CEP128: variants seen among roughly 807,000 people sequenced by gnomAD.
CEP128 encodes the protein centrosomal protein 128kDa.
A neutral mutation model predicts 156.7 loss-of-function variants in CEP128; 132 were observed. The ratio of observed to expected loss-of-function variants is 0.84; its 90% CI spans 0.73 to 0.97. The LOEUF (loss-of-function observed/expected upper bound fraction) is 0.97. CEP128 is among the 50% of genes least tolerant of loss of function. The probability of loss-of-function intolerance (pLI) is 0.00; values close to 1 mark genes in which losing one functional copy is unlikely to be tolerated. For synonymous variants in CEP128, 469 were observed against 448.9 expected (o/e 1.04, Z -0.57); for missense variants, 1,252 against 1,281.9 (o/e 0.98, Z 0.36).
chr14:80,716,028 A>T (rs1391487977), intron 19 of CEP128, among the ~76,000 whole-genome samples: 1 of 152,186 alleles, frequency 6.6e-6, no homozygotes, highest in African/African-American at 2.4e-5. Flanking sequence ...AAGAGTGGAG[A>T]CAGAGAGACC....
At chr14:80,850,289 G>C (rs531970688) in intron 9 of CEP128, among the ~76,000 whole-genome samples, 1 of 152,166 alleles carries the variant, frequency 6.6e-6, no homozygotes, top group African/African-American at 2.4e-5. Context: ...CTAGTGCCAA[G>C]TACACTTTCA....
chr14:80,666,295 T>C (rs1388689470), intron 19 of CEP128, among the ~76,000 whole-genome samples: 1 of 152,344 alleles, frequency 6.6e-6, no homozygotes, highest in East Asian at 1.9e-4. Flanking sequence ...GACTCTAGCC[T>C]ATGGGCCAGG....
At chr14:80,850,412 G>C (rs890867760) in intron 9 of CEP128, among the ~76,000 whole-genome samples, 1 of 152,192 alleles carries the variant, frequency 6.6e-6, no homozygotes, top group African/African-American at 2.4e-5. Flanking sequence ...CAATACTGAC[G>C]ACTAGTGGTC....
chr14:80,705,127 T>A (rs1897197386), intron 19 of CEP128, among the ~76,000 whole-genome samples: 1 of 152,114 alleles, frequency 6.6e-6, no homozygotes, highest in Non-Finnish European at 1.5e-5. Context: ...CAGCATATCA[T>A]GAAAGAAGTA....
intron 19 of CEP128, among the ~76,000 whole-genome samples, chr14:80,604,609 T>C (rs1414094162): frequency 6.6e-6 from 1 of 152,152 alleles, no homozygotes; most frequent in Non-Finnish European, 1.5e-5. Context: ...TATCCTCGGT[T>C]AGCTTTTACA....
chr14:80,851,649 T>A (rs1174906510), intron 9 of CEP128, among the ~76,000 whole-genome samples: 1 of 150,042 alleles, frequency 6.7e-6, no homozygotes. Flanking sequence ...AAAGAGAAGT[T>A]AAAAAAAAAT....
intron 23 of CEP128, among the ~76,000 whole-genome samples, chr14:80,509,793 A>G (rs561532151): frequency 1.3e-5 from 2 of 152,216 alleles, no homozygotes; most frequent in East Asian, 3.9e-4. Flanking sequence ...TTTGATTTGA[A>G]TTTTATATAT....
chr14:80,631,186 G>C (rs917071616), intron 19 of CEP128, among the ~76,000 whole-genome samples: 1 of 151,886 alleles, frequency 6.6e-6, no homozygotes, highest in Non-Finnish European at 1.5e-5. Flanking sequence ...TCTCCATTGA[G>C]AATCTGATGA....
intron 19 of CEP128, among the ~76,000 whole-genome samples, chr14:80,633,456 T>G (rs1894050014): frequency 6.6e-6 from 1 of 151,814 alleles, no homozygotes; most frequent in African/African-American, 2.4e-5. Flanking sequence ...CTCTCCTGTT[T>G]CTGTTATGGC....
intron 23 of CEP128, among the ~76,000 whole-genome samples, chr14:80,514,082 T>C (rs183368300): frequency 6.6e-6 from 1 of 152,362 alleles, no homozygotes; most frequent in East Asian, 1.9e-4. Flanking sequence ...TCCTTTCTAT[T>C]GATCCCAAGT....
chr14:80,603,212 G>A (rs1272280157), intron 19 of CEP128, among the ~76,000 whole-genome samples: 1 of 152,134 alleles, frequency 6.6e-6, no homozygotes, highest in Non-Finnish European at 1.5e-5. Context: ...CAACCCAACT[G>A]TCCATCAAAT....
chr14:80,609,044 T>A (rs1451625820), intron 19 of CEP128, among the ~76,000 whole-genome samples: 1 of 152,144 alleles, frequency 6.6e-6, no homozygotes, highest in Non-Finnish European at 1.5e-5. Flanking sequence ...TTTTTTGAGA[T>A]TTGAGAGATT....
chr14:80,600,832 T>C (rs1355126324), intron 19 of CEP128, among the ~76,000 whole-genome samples: 4 of 152,106 alleles, frequency 2.6e-5, no homozygotes, highest in Non-Finnish European at 5.9e-5. Context: ...ACATATACAG[T>C]ATATGATATA....
chr14:80,955,185 G>A, intron 2 of CEP128: 1 of 235,738 alleles, frequency 4.2e-6, no homozygotes, highest in Non-Finnish European at 8.5e-6. Context: ...AGTCCACTCC[G>A]CGGGGACTTT....
rs767122274 is a variant in CEP128, at chr14:80,905,965, G to A, written c.351C>T (p.Gly117=). ...TSLSASDLDG[G]TGSELHHFPP... is the part of the protein sequence containing the mutation. ...ATTTGAAGTGTTTACCTGACCCAGT[G>A]CCACCATCAAGGTCACTTGCACTCA... The change falls in exon 5 of 25, where the codon GGC becomes GGT. Residue 117 remains glycine, a synonymous_variant. Transcript: ENST00000555265. The A allele has an allele frequency of 1.8e-5, 29 of 1,611,986 alleles. No homozygotes were observed. In the African/African-American group the frequency reaches 2.7e-4, roughly 15 times the overall value.
chr14:80,869,506 CAAAT>C (rs1165341702), intron 8 of CEP128, among the ~76,000 whole-genome samples: 5 of 151,804 alleles, frequency 3.3e-5, no homozygotes, highest in African/African-American at 7.3e-5. Context: ...AAAAAGATCT[CAAAT>C]AAATAACCTA....
intron 8 of CEP128, 123 bp downstream of exon 8, chr14:80,895,595 T>A (rs144562097): frequency 2.5e-4 from 141 of 573,852 alleles, no homozygotes; most frequent in African/African-American, 2.2e-3. Context: ...AAGAACACAC[T>A]TTTAGACAAA....
intron 18 of CEP128, among the ~76,000 whole-genome samples, chr14:80,752,728 T>C (rs866655559): frequency 2.0e-5 from 3 of 152,210 alleles, no homozygotes; most frequent in Middle Eastern, 3.4e-3. Flanking sequence ...TGGAACAGAG[T>C]TCCGAGACCT....
intron 13 of CEP128, among the ~76,000 whole-genome samples, chr14:80,817,812 C>T (rs956765157): frequency 6.7e-6 from 1 of 150,114 alleles, no homozygotes; most frequent in Non-Finnish European, 1.5e-5. Flanking sequence ...ACCTGGGAGG[C>T]GGAGGTTGCA....
Sources: gnomAD v4.1 joint callset for allele counts (sites outside exome capture counted in the v4.1 genomes callset) on GRCh38, gnomAD v4.1.1 for gene constraint, MANE v1.5 for transcripts, NCBI Gene and HGNC (gene_info 2026-07-23, HGNC 2026-07-21) for gene names.